SLCO3A1: variants seen among roughly 807,000 people sequenced by gnomAD.
SLCO3A1 encodes PGE1 transporter.
A neutral mutation model predicts 63.1 loss-of-function variants in SLCO3A1; 27 were observed. That is an observed-to-expected ratio of 0.43 (90% CI 0.32 to 0.59). The LOEUF is 0.59. Among genes scored for constraint, SLCO3A1 ranks in the 20% least tolerant of loss-of-function variants. The pLI, the probability that SLCO3A1 is intolerant of heterozygous loss-of-function variation, is 0.09. For synonymous variants in SLCO3A1, 473 were observed against 409.9 expected (o/e 1.15, Z -1.86); for missense variants, 773 against 945.8 (o/e 0.82, Z 2.40).
chr15:91,882,905 C>T lies in SLCO3A1; in HGVS notation c.180+28817C>T, dbSNP rs1897628338. Among the ~76,000 whole-genome samples, 2 of 118 alleles carry T rather than the reference C, an allele frequency of 0.017. No homozygotes were observed. The highest frequency in any genetic ancestry group is 0.067 in the African/African-American group (2 of 30). The allele number at this position is 118 out of a possible 152,430, so 0.1% of individuals were successfully genotyped here. Reference sequence around the variant, plus strand: ...AAGATTTCCTTGCAATTAGGTATCACCTTGGTGTCCCAAAGAGATGTAATA... The same window carrying T: ...AAGATTTCCTTGCAATTAGGTATCATCTTGGTGTCCCAAAGAGATGTAATA... On this transcript the variant is annotated intron_variant, in intron 1 of 9. Transcript: ENST00000318445. This position sits in a 1 kb window ranked among gnomAD's most constrained non-coding sequence, Gnocchi z 4.4.
At chr15:92,155,727 A>AC (rs1567152107) in intron 9 of SLCO3A1, among the ~76,000 whole-genome samples, 5 of 152,130 alleles carry the variant, frequency 3.3e-5, no homozygotes, top group Middle Eastern at 3.4e-3. Flanking sequence ...ATCTATTGAG[A>AC]TCCCCCCAAC....
intron 2 of SLCO3A1, among the ~76,000 whole-genome samples, chr15:91,981,760 C>T (rs1329130428): frequency 6.6e-6 from 1 of 152,182 alleles, no homozygotes; most frequent in East Asian, 1.9e-4. Flanking sequence ...TGTCACAGAT[C>T]CCCCTGCCAC....
intron 3 of SLCO3A1, among the ~76,000 whole-genome samples, chr15:92,097,017 C>T (rs1050923700): frequency 6.6e-6 from 1 of 152,126 alleles, no homozygotes; most frequent in African/African-American, 2.4e-5. Flanking sequence ...CCCAAGGCAG[C>T]ACAAGACAGG....
chr15:92,039,080 C>T (rs976730618), intron 2 of SLCO3A1, among the ~76,000 whole-genome samples: 5 of 151,742 alleles, frequency 3.3e-5, no homozygotes, highest in Admixed American at 2.6e-4. Flanking sequence ...CCGTCCTCCT[C>T]AAGATGGATT....
intron 1 of SLCO3A1, among the ~76,000 whole-genome samples, chr15:91,887,957 A>G (rs1052803516): frequency 6.6e-6 from 1 of 152,214 alleles, no homozygotes; most frequent in African/African-American, 2.4e-5. Flanking sequence ...TGAGTACATA[A>G]TTAGTTTTCT....
intron 2 of SLCO3A1, among the ~76,000 whole-genome samples, chr15:92,040,034 C>G (rs541255399): frequency 6.6e-6 from 1 of 152,036 alleles, no homozygotes; most frequent in South Asian, 2.1e-4. Context: ...TGCACAAACA[C>G]CAGGGCCAGT....
chr15:92,163,174 G>A lies in SLCO3A1; in HGVS notation c.*39G>A, dbSNP rs755149585. Reference sequence around the variant, plus strand: ...GCTGAACTCTGTATTAGTAATCCAAGGGTCATTTTTTTCTTAAAAAAAGAA... The same window carrying A: ...GCTGAACTCTGTATTAGTAATCCAAAGGTCATTTTTTTCTTAAAAAAAGAA... On this transcript the variant is annotated 3_prime_UTR_variant, in exon 10 of 10. Transcript: ENST00000318445. 7.0e-7 allele frequency: 1 copy of A among 1,422,716 alleles called. No homozygotes were observed. Among genetic ancestry groups the A allele is most frequent in the Non-Finnish European group, 9.2e-7 (1 of 1,090,258 alleles). The allele number at this position is 1,422,716 out of a possible 1,614,324, so 88.1% of individuals were successfully genotyped here.
At chr15:91,896,788 T>C (rs1898015394) in intron 1 of SLCO3A1, among the ~76,000 whole-genome samples, 1 of 152,212 alleles carries the variant, frequency 6.6e-6, no homozygotes, top group Non-Finnish European at 1.5e-5. Flanking sequence ...AGAGGTGCTT[T>C]TTCTGGAGGG....
rs193028581 is a variant in SLCO3A1 at position 91,863,317 on chromosome 15, G to A, written c.180+9229G>A. ...GCTCCCCTTCTCTCCAGGGGTACAG[G>A]AGGCTTGTCCTGGGTCTGTGGTCAC... On this transcript the variant is annotated intron_variant, in intron 1 of 9. Coordinates refer to ENST00000318445, the MANE Select transcript of SLCO3A1 (RefSeq NM_013272.4). This position sits in a 1 kb window ranked among gnomAD's most constrained non-coding sequence, Gnocchi z 4.3. 6.6e-6 allele frequency among the ~76,000 whole-genome samples: 1 copy of A among 152,344 alleles called. No individual in the cohort carries two copies.
chr15:92,034,696 G>A (rs1002437151), intron 2 of SLCO3A1, among the ~76,000 whole-genome samples: 2 of 151,806 alleles, frequency 1.3e-5, no homozygotes, highest in Non-Finnish European at 2.9e-5. Context: ...GATGGATCAG[G>A]TCAGGTGACA....
intron 4 of SLCO3A1, 137 bp downstream of exon 4, chr15:92,104,679 C>T (rs1322380777): frequency 2.5e-5 from 21 of 827,930 alleles, no homozygotes; most frequent in Non-Finnish European, 3.5e-5. Flanking sequence ...GCATGGCTGG[C>T]CTCTACCAGC....
intron 2 of SLCO3A1, among the ~76,000 whole-genome samples, chr15:91,959,510 G>A (rs146383047): frequency 0.01 from 1,545 of 151,952 alleles, 39 homozygotes; most frequent in African/African-American, 0.036. Context: ...CGGGCAGATC[G>A]CCTGAGGTCG....
chr15:91,970,870 A>G (rs918916493), intron 2 of SLCO3A1, among the ~76,000 whole-genome samples: 2 of 152,000 alleles, frequency 1.3e-5, no homozygotes, highest in Non-Finnish European at 2.9e-5. Flanking sequence ...GCCCAACCAG[A>G]TGAAGGGTGT....
intron 9 of SLCO3A1, among the ~76,000 whole-genome samples, chr15:92,152,440 A>C (rs1399112651): frequency 6.6e-6 from 1 of 152,184 alleles, no homozygotes; most frequent in East Asian, 1.9e-4. Flanking sequence ...GCATTGTCCT[A>C]AGTCTAAGTC....
rs1014631633 is a variant in SLCO3A1 at position 91,863,054 on chromosome 15, A to T, written c.180+8966A>T. ...ATATAAGCTATAAAATACAGCACCTAAAGTCTTATGTTTACTCTGCTAAGA... is the reference window on the plus strand; with the variant it reads ...ATATAAGCTATAAAATACAGCACCTTAAGTCTTATGTTTACTCTGCTAAGA... On this transcript the variant is annotated intron_variant, in intron 1 of 9. Transcript: ENST00000318445. The surrounding 1 kb of genome is among the most constrained non-coding windows in gnomAD (Gnocchi z 4.3). Among the ~76,000 whole-genome samples the T allele has an allele frequency of 1.3e-5, 2 of 152,238 alleles. No individual in the cohort carries two copies.
Position 92,106,324 on chromosome 15 carries a change from G to A in SLCO3A1, c.1009+1782G>A, listed in dbSNP as rs138911442. ...TGTGTCCTCTAAGGTTGCCTTGGTT[G>A]GAATGCCCCCGTCCTCATGCACGTG... On this transcript the variant is annotated intron_variant, in intron 4 of 9. Coordinates refer to ENST00000318445, the MANE Select transcript of SLCO3A1 (RefSeq NM_013272.4). Among the ~76,000 whole-genome samples, 963 of 152,274 alleles carry A rather than the reference G, an allele frequency of 6.3e-3. 12 individuals carry two copies. Among genetic ancestry groups the A allele is most frequent in the African/African-American group, 0.021 (872 of 41,556 alleles).
chr15:92,163,196 A>G lies in SLCO3A1; in HGVS notation c.*61A>G. ...CAAGGGTCATTTTTTTCTTAAAAAA[A>G]GAAAAAAAGGTTCCAAAAAAAACCA... On this transcript the variant is annotated 3_prime_UTR_variant, in exon 10 of 10. Coordinates refer to ENST00000318445, the MANE Select transcript of SLCO3A1 (RefSeq NM_013272.4). 1.4e-6 allele frequency: 2 copies of G among 1,437,198 alleles called. No individual in the cohort carries two copies. Among genetic ancestry groups the G allele is most frequent in the South Asian group, 1.7e-5 (1 of 59,324 alleles). 89.0% of individuals were successfully genotyped at this position (1,437,198 alleles called of 1,614,324 possible).
In SLCO3A1 at chr15:92,147,155, A is replaced by C; in HGVS notation, c.1684A>C (p.Ile562Leu). ...ACAGACACCCTCAGTCATCATCCTC[A>C]TCAGGTAAGCCCTCGGCACAGCCCC... ...MAQTPSVIIL[I>L]RTVSPELKSY... The change falls in exon 8 of 10, where the codon ATC (isoleucine) becomes CTC (leucine). Residue 562 changes from isoleucine (I) to leucine (L), a missense_variant. Physicochemically the swap from Ile to Leu is conservative, Grantham distance 5. Coordinates refer to ENST00000318445, the MANE Select transcript of SLCO3A1 (RefSeq NM_013272.4). 6.2e-7 allele frequency: 1 copy of C among 1,611,150 alleles called. No homozygotes were observed. The highest frequency in any genetic ancestry group is 1.1e-5 in the South Asian group (1 of 90,828).
In SLCO3A1 at chr15:91,913,961, T is replaced by G. The variant is rs190185430; in HGVS notation, c.181-2032T>G. 5.8e-3 allele frequency among the ~76,000 whole-genome samples: 880 copies of G among 152,266 alleles called. 2 individuals are homozygous for G. The highest frequency in any genetic ancestry group is 0.02 in the Middle Eastern group (6 of 294). On this transcript the variant is annotated intron_variant, in intron 1 of 9. Coordinates refer to ENST00000318445, the MANE Select transcript of SLCO3A1 (RefSeq NM_013272.4). The stretch of plus-strand genomic sequence containing the variant: ...GGCCCAGCTGTCTTCACTGCTGGCC[T>G]TCTTCCACCCTCCATTCACCACACC...
Sources: allele counts gnomAD v4.1 joint callset (sites outside exome capture counted in the v4.1 genomes callset), GRCh38; gene constraint gnomAD v4.1.1; non-coding constraint Gnocchi (gnomAD v3.1); transcripts MANE v1.5; gene names NCBI Gene and HGNC (gene_info 2026-07-23, HGNC 2026-07-21).